The following ZNF438 variants were observed in gnomAD, a reference collection of about 807,000 sequenced individuals.
The protein encoded by ZNF438 is zinc finger protein 438.
A neutral mutation model predicts 38.0 loss-of-function variants in ZNF438; 25 were observed. The observed-to-expected ratio is 0.66, with a 90% CI of 0.48 to 0.92. The LOEUF is 0.92. Among genes scored for constraint, ZNF438 ranks in the 40% least tolerant of loss-of-function variants. The probability of loss-of-function intolerance (pLI) is 0.00; values close to 1 mark genes in which losing one functional copy is unlikely to be tolerated. For synonymous variants in ZNF438, 372 were observed against 364.1 expected (o/e 1.02, Z -0.25); for missense variants, 1,007 against 999.6 (o/e 1.01, Z -0.10).
At chr10:30,865,823 A>G (rs1011482674) in intron 4 of ZNF438, among the ~76,000 whole-genome samples, 2 of 152,232 alleles carry the variant, frequency 1.3e-5, no homozygotes, top group East Asian at 1.9e-4. Context: ...GAGCAAGATA[A>G]TAATCCTTCG....
At chr10:30,891,996 C>G (rs2040749031) in intron 3 of ZNF438, among the ~76,000 whole-genome samples, 1 of 152,152 alleles carries the variant, frequency 6.6e-6, no homozygotes, top group Non-Finnish European at 1.5e-5. Flanking sequence ...TGATACTTAG[C>G]AGCAAAATAA....
At chr10:30,934,364 T>C (rs972641268) in intron 2 of ZNF438, among the ~76,000 whole-genome samples, 2 of 152,206 alleles carry the variant, frequency 1.3e-5, no homozygotes, top group African/African-American at 4.8e-5. Flanking sequence ...CTTAGAGCTT[T>C]AACTGGGTAA....
intron 3 of ZNF438, among the ~76,000 whole-genome samples, chr10:30,898,001 A>C (rs1171683690): frequency 2.6e-5 from 4 of 152,226 alleles, no homozygotes; most frequent in African/African-American, 9.6e-5. Context: ...TACTATATTA[A>C]ATATAATATT....
At chr10:30,861,269 T>C (rs1028546132) in intron 4 of ZNF438, among the ~76,000 whole-genome samples, 4 of 152,208 alleles carry the variant, frequency 2.6e-5, no homozygotes, top group Admixed American at 6.5e-5. Flanking sequence ...GTAAATACTA[T>C]GTAAATAGTT....
intron 1 of ZNF438, among the ~76,000 whole-genome samples, chr10:31,006,855 C>A (rs901025052): frequency 1.0e-4 from 15 of 150,632 alleles, no homozygotes; most frequent in East Asian, 1.9e-4. Flanking sequence ...AAAAAAAAAA[C>A]CATTTTGAGT....
chr10:31,012,988 T>C (rs983528789), intron 1 of ZNF438, among the ~76,000 whole-genome samples: 1 of 152,162 alleles, frequency 6.6e-6, no homozygotes, highest in East Asian at 1.9e-4. Flanking sequence ...AGTCTACTTC[T>C]TTAGTCCCAT....
At chr10:31,024,788 C>A (rs2056835844) in intron 1 of ZNF438, among the ~76,000 whole-genome samples, 1 of 151,930 alleles carries the variant, frequency 6.6e-6, no homozygotes, top group Admixed American at 6.6e-5. Flanking sequence ...TTGTAACAAT[C>A]AAAAATGAAA....
At chr10:31,023,036 T>C (rs1461466023) in intron 1 of ZNF438, among the ~76,000 whole-genome samples, 1 of 152,212 alleles carries the variant, frequency 6.6e-6, no homozygotes, top group African/African-American at 2.4e-5. Flanking sequence ...AAAACCGCAA[T>C]TACTTTTGCA....
intron 1 of ZNF438, among the ~76,000 whole-genome samples, chr10:30,950,230 C>G (rs2048000886): frequency 6.6e-6 from 1 of 151,900 alleles, no homozygotes; most frequent in Non-Finnish European, 1.5e-5. Flanking sequence ...ACCAGAATCT[C>G]TGGGACGCAT....
intron 1 of ZNF438, among the ~76,000 whole-genome samples, chr10:30,958,719 A>C (rs2049140409): frequency 6.8e-6 from 1 of 146,898 alleles, no homozygotes; most frequent in Non-Finnish European, 1.5e-5. Flanking sequence ...TATGCAGTCA[A>C]TTCCTGCTCC....
intron 4 of ZNF438, 105 bp from the exon 6 acceptor site, chr10:30,850,472 A>ACCT (rs898185566): frequency 1.5e-6 from 2 of 1,331,196 alleles, no homozygotes; most frequent in African/African-American, 2.9e-5. Context: ...AGATTCCTTG[A>ACCT]CCTACCTCCA....
At chr10:30,978,257 T>C (rs1188391959) in intron 1 of ZNF438, among the ~76,000 whole-genome samples, 5 of 152,202 alleles carry the variant, frequency 3.3e-5, no homozygotes, top group Non-Finnish European at 5.9e-5. Context: ...TGAGAATTCG[T>C]CTACTCTCTT....
chr10:30,848,426 T>C, intron 5 of ZNF438, 105 bp downstream of exon 6: 1 of 1,339,918 alleles, frequency 7.5e-7, no homozygotes, highest in Non-Finnish European at 1.0e-6. Context: ...GAAATCTTAA[T>C]CCTAGAGATG....
intron 2 of ZNF438, among the ~76,000 whole-genome samples, chr10:30,928,429 T>G (rs1386812894): frequency 6.6e-6 from 1 of 152,098 alleles, no homozygotes; most frequent in Non-Finnish European, 1.5e-5. Flanking sequence ...AGACAAAAAC[T>G]AATACTCTAC....
At chr10:31,020,408 A>C (rs2056506684) in intron 1 of ZNF438, among the ~76,000 whole-genome samples, 1 of 152,182 alleles carries the variant, frequency 6.6e-6, no homozygotes, top group Admixed American at 6.5e-5. Flanking sequence ...GTTCATCAGA[A>C]ATTCTCATTG....
chr10:30,984,776 C>G (rs1049644112), intron 1 of ZNF438, among the ~76,000 whole-genome samples: 12 of 152,178 alleles, frequency 7.9e-5, no homozygotes, highest in Non-Finnish European at 1.5e-4. Flanking sequence ...GATTCATATT[C>G]AGGGCGCAGC....
At chr10:30,951,647 C>T (rs993750543) in intron 1 of ZNF438, among the ~76,000 whole-genome samples, 3 of 152,082 alleles carry the variant, frequency 2.0e-5, no homozygotes, top group Non-Finnish European at 2.9e-5. Flanking sequence ...CGCCCATTCA[C>T]AATTGCTTCA....
At chr10:30,982,393 G>A (rs182568633) in intron 1 of ZNF438, among the ~76,000 whole-genome samples, 257 of 152,162 alleles carry the variant, frequency 1.7e-3, no homozygotes, top group African/African-American at 5.8e-3. Flanking sequence ...CAGCCACCGC[G>A]CCCGGCCATC....
intron 4 of ZNF438, among the ~76,000 whole-genome samples, chr10:30,858,046 A>T (rs895187691): frequency 6.6e-6 from 1 of 152,240 alleles, no homozygotes; most frequent in African/African-American, 2.4e-5. Flanking sequence ...GCAAAGTTCC[A>T]TTATTCCATC....
Sources: gnomAD v4.1 joint callset for allele counts (sites outside exome capture counted in the v4.1 genomes callset) on GRCh38, gnomAD v4.1.1 for gene constraint, MANE v1.5 for transcripts, NCBI Gene and HGNC (gene_info 2026-07-23, HGNC 2026-07-21) for gene names.